Variants in SNTG2 observed in about 807,000 individuals in gnomAD.
The protein encoded by SNTG2 is syntrophin gamma 2.
Under a neutral mutation model 70.9 loss-of-function variants are expected in SNTG2, and 74 were observed. The observed-to-expected ratio is 1.04, with a 90% confidence interval of 0.86 to 1.27. The LOEUF (loss-of-function observed/expected upper bound fraction) is 1.27, where lower values mean the gene tolerates loss of function less well. SNTG2 is among the 50% of genes most tolerant of loss of function. SNTG2 has a pLI of 0.00. For missense variants in SNTG2, 717 were observed against 690.7 expected, an observed-to-expected ratio of 1.04 and a Z score of -0.43; for synonymous variants, 278 against 273.8, an observed-to-expected ratio of 1.02 and a Z score of -0.15.
At chr2:961,310 G>A (rs769110944) in intron 1 of SNTG2, among the ~76,000 whole-genome samples, 8 of 152,024 alleles carry the variant, frequency 5.3e-5, no homozygotes, top group Non-Finnish European at 8.8e-5. Flanking sequence ...GGATTCAAGC[G>A]ATTTCTGGCT....
chr2:991,614 G>A (rs778482594), intron 1 of SNTG2, among the ~76,000 whole-genome samples: 4 of 152,114 alleles, frequency 2.6e-5, no homozygotes, highest in Non-Finnish European at 5.9e-5. Context: ...CCAGGGCATC[G>A]GCCCTAGATG....
chr2:1,140,463 C>T (rs1449470107), intron 6 of SNTG2, among the ~76,000 whole-genome samples: 1 of 152,204 alleles, frequency 6.6e-6, no homozygotes, highest in Non-Finnish European at 1.5e-5. Flanking sequence ...CCTGCGCAGA[C>T]ACAGATTGGG....
intron 12 of SNTG2, among the ~76,000 whole-genome samples, chr2:1,252,637 T>C (rs556770952): frequency 6.6e-6 from 1 of 152,176 alleles, no homozygotes; most frequent in Non-Finnish European, 1.5e-5. Context: ...GAATAATCTA[T>C]AAAATCAGTA....
chr2:1,012,400 C>T (rs972645117), intron 1 of SNTG2, among the ~76,000 whole-genome samples: 1 of 152,226 alleles, frequency 6.6e-6, no homozygotes, highest in African/African-American at 2.4e-5. Flanking sequence ...CAGTCCCTGC[C>T]CCCTTAGAAC....
intron 16 of SNTG2, among the ~76,000 whole-genome samples, chr2:1,365,061 T>G (rs898676188): frequency 6.8e-6 from 1 of 147,544 alleles, no homozygotes; most frequent in African/African-American, 2.5e-5. Context: ...TGCAAGAACC[T>G]TGTGTTTCTT....
intron 1 of SNTG2, among the ~76,000 whole-genome samples, chr2:952,950 A>G (rs1299054270): frequency 1.3e-5 from 2 of 151,460 alleles, no homozygotes; most frequent in African/African-American, 2.5e-5. Context: ...AACTTGTGTA[A>G]TTATTTAATC....
At chr2:1,287,610 G>A (rs1679817738) in intron 14 of SNTG2, among the ~76,000 whole-genome samples, 1 of 152,168 alleles carries the variant, frequency 6.6e-6, no homozygotes, top group Non-Finnish European at 1.5e-5. Context: ...GAGTGACGGC[G>A]GAACGTGCTC....
intron 16 of SNTG2, among the ~76,000 whole-genome samples, chr2:1,364,724 C>T (rs1243139052): frequency 1.6e-5 from 2 of 125,476 alleles, no homozygotes; most frequent in Non-Finnish European, 3.3e-5. Context: ...AACACCATCT[C>T]TACTAAAAAT....
At chr2:1,254,859 G>A (rs1036025807) in intron 12 of SNTG2, among the ~76,000 whole-genome samples, 28 of 152,184 alleles carry the variant, frequency 1.8e-4, no homozygotes, top group Non-Finnish European at 3.7e-4. Flanking sequence ...CCAGGAATCT[G>A]CATACCTCGT....
chr2:1,059,390 A>G (rs1182126385), intron 1 of SNTG2: 1 of 152,170 alleles, frequency 6.6e-6, no homozygotes, highest in African/African-American at 2.4e-5. Context: ...ATAATCAGTC[A>G]AGATATCTGT....
chr2:1,210,363 G>GATGT (rs1673958319), intron 9 of SNTG2: 1 of 152,136 alleles, frequency 6.6e-6, no homozygotes, highest in Non-Finnish European at 1.5e-5. Flanking sequence ...TGGATGGATG[G>GATGT]ATAGGTAGAT....
chr2:1,196,637 C>T (rs1021815357), intron 8 of SNTG2, among the ~76,000 whole-genome samples: 3 of 151,996 alleles, frequency 2.0e-5, no homozygotes, highest in African/African-American at 7.2e-5. Flanking sequence ...AGAAAAGTAG[C>T]AAGTCACATA....
intron 4 of SNTG2, among the ~76,000 whole-genome samples, chr2:1,121,742 A>T (rs1667391620): frequency 6.6e-6 from 1 of 152,192 alleles, no homozygotes; most frequent in Non-Finnish European, 1.5e-5. Flanking sequence ...CAGTATCATG[A>T]GAACAGCATG....
At chr2:1,182,751 G>A (rs993410116) in intron 8 of SNTG2, among the ~76,000 whole-genome samples, 1 of 152,002 alleles carries the variant, frequency 6.6e-6, no homozygotes. Context: ...CAGTTTTTTT[G>A]TTTGTTTGTT....
intron 4 of SNTG2, among the ~76,000 whole-genome samples, chr2:1,115,731 G>C (rs77788272): frequency 8.7e-6 from 1 of 114,288 alleles, no homozygotes; most frequent in Non-Finnish European, 2.0e-5. Context: ...TGATGTTTAA[G>C]CCTCAGAGTC....
intron 1 of SNTG2, among the ~76,000 whole-genome samples, chr2:1,058,810 C>T (rs1022078280): frequency 6.6e-6 from 1 of 152,232 alleles, no homozygotes; most frequent in South Asian, 2.1e-4. Flanking sequence ...TTGTGCCACA[C>T]AAGCCTGTGG....
intron 1 of SNTG2, 56 bp from the exon 2 acceptor site, chr2:1,083,462 C>T: frequency 1.9e-6 from 3 of 1,602,034 alleles, no homozygotes; most frequent in Non-Finnish European, 2.6e-6. Context: ...CACCTATCCC[C>T]ACCCCTGGCT....
Position 991,378 on chromosome 2 carries a change from C to G in SNTG2, c.72+40310C>G, listed in dbSNP as rs1173748047. Among the ~76,000 whole-genome samples, 6 of 150,150 alleles carry G rather than the reference C, an allele frequency of 4.0e-5. No individual in the cohort carries two copies. In the East Asian group the frequency reaches 1.2e-3, roughly 29 times the overall value. The stretch of plus-strand genomic sequence containing the variant: ...CTTATAAGTTCTGTAATATTACACA[C>G]ACACACACACACACACACACACACA... On this transcript the variant is annotated intron_variant, in intron 1 of 16. Coordinates refer to ENST00000308624, the MANE Select transcript of SNTG2 (RefSeq NM_018968.4).
intron 9 of SNTG2, among the ~76,000 whole-genome samples, chr2:1,224,251 C>G (rs1675605246): frequency 6.6e-6 from 1 of 152,192 alleles, no homozygotes; most frequent in Admixed American, 6.5e-5. Flanking sequence ...GAATTTGACC[C>G]CAGACTTGGG....
Sources: gnomAD v4.1 joint callset for allele counts (sites outside exome capture counted in the v4.1 genomes callset) on GRCh38, gnomAD v4.1.1 for gene constraint, MANE v1.5 for transcripts, NCBI Gene and HGNC (gene_info 2026-07-23, HGNC 2026-07-21) for gene names.